The following ACAP3 variants were observed in gnomAD, a reference collection of about 807,000 sequenced individuals.
The protein encoded by ACAP3 is arf-GAP with coiled-coil, ANK repeat and PH domain-containing protein 3.
Under a neutral mutation model 104.1 loss-of-function variants are expected in ACAP3, and 56 were observed. The ratio of observed to expected loss-of-function variants is 0.54; its 90% CI spans 0.43 to 0.67. The LOEUF (loss-of-function observed/expected upper bound fraction) is 0.67. Among genes scored for constraint, ACAP3 ranks in the 30% least tolerant of loss-of-function variants. The pLI is 0.00. For missense variants in ACAP3, 1,208 were observed against 1,174.9 expected, an observed-to-expected ratio of 1.03 and a Z score of -0.41; for synonymous variants, 628 against 496.2, an observed-to-expected ratio of 1.27 and a Z score of -3.53.
chr1:1,299,389 G>A (rs779323270), intron 9 of ACAP3, 33 bp from the exon 10 acceptor site: 1 of 1,522,422 alleles, frequency 6.6e-7, no homozygotes. Flanking sequence ...GGTAGGGGGA[G>A]AAAGCCAGTG....
At chr1:1,299,313 C>T (rs751259569) in intron 10 of ACAP3, 32 bp downstream of exon 10, 1 of 1,594,876 alleles carries the variant, frequency 6.3e-7, no homozygotes, top group South Asian at 1.1e-5. Context: ...CTCCCCCGAC[C>T]CACAGCCCGC....
rs1291571282 is a variant in ACAP3, at chr1:1,301,292, C to T, written c.339-600G>A. The stretch of plus-strand genomic sequence containing the variant: ...TTTTTTTTTTTTTGATGGAGTCTCT[C>T]TCTGTCACCCAGGCTGGAGTGCAGT... On this transcript the variant is annotated intron_variant, in intron 5 of 23. Transcript: ENST00000354700. 2.4e-5 allele frequency among the ~76,000 whole-genome samples: 3 copies of T among 126,688 alleles called. No individual in the cohort carries two copies. The Admixed American group carries it at 2.5e-4, about 11-fold the overall frequency. 83.1% of individuals were successfully genotyped at this position (126,688 alleles called of 152,430 possible).
chr1:1,303,099 G>A lies in ACAP3; in HGVS notation c.225+63C>T, dbSNP rs1641523023. On this transcript the variant is annotated intron_variant, in intron 3 of 23. Coordinates refer to ENST00000354700, the MANE Select transcript of ACAP3 (RefSeq NM_030649.3). This position sits in a 1 kb window ranked among gnomAD's most constrained non-coding sequence, Gnocchi z 4.0. Reference sequence around the variant, plus strand: ...GCTTCTGGCCTGGACGCCCTCAAGGGGCTGCCTCCCTCGGCCTCTCCCCCA... The same window carrying A: ...GCTTCTGGCCTGGACGCCCTCAAGGAGCTGCCTCCCTCGGCCTCTCCCCCA... The A allele has an allele frequency of 6.4e-7, 1 of 1,558,576 alleles. No homozygotes were observed. The highest frequency in any genetic ancestry group is 8.7e-7 in the Non-Finnish European group (1 of 1,151,118).
Position 1,293,869 on chromosome 1 carries a change from G to T in ACAP3, c.2314C>A (p.Pro772Thr). ...GCCGCCTGCACTGCGATGGCCAACG[G>T]GTCCCGCTGCTCTTGGTCCAGGGCG... is the stretch of plus-strand genomic sequence containing the variant. Reference protein sequence around the residue: ...QHALDQEQRDPLAIAVQAANA... With the variant: ...QHALDQEQRDTLAIAVQAANA... Residue 772 changes from proline (P) to threonine (T), a missense_variant, in exon 23 of 24, where the codon CCG becomes ACG. Physicochemically the swap from Pro to Thr is conservative, Grantham distance 38. Transcript: ENST00000354700. 1 of 1,565,334 alleles carries T rather than the reference G, an allele frequency of 6.4e-7. No homozygotes were observed.
At position 1,307,068 on chromosome 1, in the gene ACAP3, G is replaced by C. The variant is rs768342317; in HGVS notation, c.47+701C>G. 137 of 799,556 alleles carry C rather than the reference G, an allele frequency of 1.7e-4. 2 individuals carry two copies. The Middle Eastern group carries it at 3.1e-3, about 18-fold the overall frequency. The allele number at this position is 799,556 out of a possible 1,614,324, so 49.5% of individuals were successfully genotyped here. On this transcript the variant is annotated intron_variant, in intron 1 of 23. Transcript: ENST00000354700. ...AGAGGAGGGGGCCTCACGCAGGTGC[G>C]CACTTGGGGATGCAGAGAGGTTTCT...
At position 1,293,550 on chromosome 1, in the gene ACAP3, C is replaced by T. The variant is rs1221932872; in HGVS notation, c.*14G>A. 7 of 1,462,330 alleles carry T rather than the reference C, an allele frequency of 4.8e-6. No individual in the cohort carries two copies. The highest frequency in any genetic ancestry group is 6.1e-5 in the East Asian group (2 of 32,992). 90.6% of individuals were successfully genotyped at this position (1,462,330 alleles called of 1,614,324 possible). ...CGGGCCGGGCGGGGTGGCAGCTGCC[C>T]GGCCTGCCCGGCCCTAGCTCTCTTC... On this transcript the variant is annotated 3_prime_UTR_variant, in exon 24 of 24. Coordinates refer to ENST00000354700, the MANE Select transcript of ACAP3 (RefSeq NM_030649.3).
chr1:1,297,148 C>T (rs1035396031), intron 14 of ACAP3, among the ~76,000 whole-genome samples: 15 of 145,268 alleles, frequency 1.0e-4, no homozygotes, highest in Admixed American at 5.4e-4. Context: ...CCCAGTGGCA[C>T]GTGTGTGTGT....
intron 19 of ACAP3, chr1:1,295,061 G>C (rs2100401942): frequency 1.8e-6 from 1 of 563,280 alleles, no homozygotes. Context: ...CTTCCCTCCC[G>C]CTCGCCGCCT....
intron 5 of ACAP3, 91 bp downstream of exon 5, chr1:1,301,897 A>T: frequency 7.9e-7 from 1 of 1,272,836 alleles, no homozygotes; most frequent in Non-Finnish European, 1.1e-6. Context: ...GCCTGGGCCC[A>T]AGGTGCCTCT....
intron 10 of ACAP3, 111 bp downstream of exon 10, chr1:1,299,234 T>G: frequency 1.5e-6 from 2 of 1,366,722 alleles, no homozygotes; most frequent in Admixed American, 4.1e-5. Flanking sequence ...GAGCCGAGAC[T>G]GGTGGGAGGT....
intron 10 of ACAP3, 21 bp from the exon 11 acceptor site, chr1:1,298,700 C>T: frequency 6.3e-7 from 1 of 1,575,018 alleles, no homozygotes; most frequent in South Asian, 1.1e-5. Flanking sequence ...GGAACCCGCC[C>T]CCTCAGTGCC....
intron 4 of ACAP3, 68 bp from the exon 5 acceptor site, chr1:1,302,114 C>G: frequency 1.5e-6 from 2 of 1,340,382 alleles, no homozygotes; most frequent in Admixed American, 2.7e-5. Context: ...AAGGCCCCAT[C>G]CTCACCAGCA....
intron 1 of ACAP3, chr1:1,304,692 C>T (rs1260073856): frequency 6.3e-6 from 1 of 157,622 alleles, no homozygotes; most frequent in African/African-American, 2.4e-5. Flanking sequence ...CTCACAGCTG[C>T]AAGCGGCATG....
At position 1,294,574 on chromosome 1, in the gene ACAP3, T is replaced by G. The variant is rs1300143680; in HGVS notation, c.1967A>C (p.Glu656Ala). The G allele has an allele frequency of 2.0e-6, 3 of 1,510,918 alleles. No homozygotes were observed. The highest frequency in any genetic ancestry group is 2.6e-6 in the Non-Finnish European group (3 of 1,137,352). 93.6% of individuals were successfully genotyped at this position (1,510,918 alleles called of 1,614,324 possible). ...GCGCACGTCCGCCAGGCCCCAGGCC[T>G]CGGCCTCAGTGTCCCCGTCTGCCTC... ...SGEADGDTEA[E>A]AWGLADVREL... The change falls in exon 21 of 24, where the codon GAG becomes GCG. Residue 656 changes from glutamate (E) to alanine (A), a missense_variant. By Grantham distance (107) the Glu-to-Ala change is moderately radical (BLOSUM62 -1). Coordinates refer to ENST00000354700, the MANE Select transcript of ACAP3 (RefSeq NM_030649.3).
chr1:1,302,987 G>A lies in ACAP3; in HGVS notation c.226-12C>T, dbSNP rs771736112. 6.2e-7 allele frequency: 1 copy of A among 1,608,752 alleles called. No individual in the cohort carries two copies. Among genetic ancestry groups the A allele is most frequent in the Non-Finnish European group, 8.5e-7 (1 of 1,177,712 alleles). ...CTCTGCAGACATTCCTGGAGGAGCAGATGGGAACCCGTGCTGAGATGGCAA... is the reference window on the plus strand; with the variant it reads ...CTCTGCAGACATTCCTGGAGGAGCAAATGGGAACCCGTGCTGAGATGGCAA... On this transcript the variant is annotated splice_polypyrimidine_tract_variant and intron_variant, in intron 3 of 23. Coordinates refer to ENST00000354700, the MANE Select transcript of ACAP3 (RefSeq NM_030649.3).
At position 1,303,343 on chromosome 1, in the gene ACAP3, A is replaced by C. The variant is rs1295370357; in HGVS notation, c.106-62T>G. On this transcript the variant is annotated intron_variant, in intron 2 of 23. Transcript: ENST00000354700. This position sits in a 1 kb window ranked among gnomAD's most constrained non-coding sequence, Gnocchi z 4.0. ...CTGGCGCCTGCACTCGCCACCACAC[A>C]CGGCCACTCAGAGGCAGGAAGAGCT... 2.0e-6 allele frequency: 3 copies of C among 1,535,148 alleles called. No homozygotes were observed. In the African/African-American group the frequency reaches 4.1e-5, roughly 21 times the overall value.
rs1392122479 is a variant in ACAP3, at chr1:1,303,855, C to A, written c.105+231G>T. On this transcript the variant is annotated intron_variant, in intron 2 of 23. Coordinates refer to ENST00000354700, the MANE Select transcript of ACAP3 (RefSeq NM_030649.3). This position sits in a 1 kb window ranked among gnomAD's most constrained non-coding sequence, Gnocchi z 4.0. ...GCCACCGTGGGTCGGGGACTCACCA[C>A]AGCCCAGCCCCTCCCAGATGGGACG... 1.3e-5 allele frequency: 8 copies of A among 607,514 alleles called. No homozygotes were observed. Among genetic ancestry groups the A allele is most frequent in the Non-Finnish European group, 1.7e-5 (6 of 346,818 alleles). 37.6% of individuals were successfully genotyped at this position (607,514 alleles called of 1,614,324 possible).
Position 1,299,908 on chromosome 1 carries a change from G to A in ACAP3, c.664-3C>T. 1 of 1,586,964 alleles carries A rather than the reference G, an allele frequency of 6.3e-7. No homozygotes were observed. Among genetic ancestry groups the A allele is most frequent in the East Asian group, 2.3e-5 (1 of 44,092 alleles). ...GAGTCGATCACCAGCTGGTCCAGCT[G>A]TTGGGGGTGGCATTAGGGAAGGTCA... On this transcript the variant is annotated splice_polypyrimidine_tract_variant and splice_region_variant and intron_variant, in intron 8 of 23. Coordinates refer to ENST00000354700, the MANE Select transcript of ACAP3 (RefSeq NM_030649.3).
chr1:1,293,960 TCGGGGCGGGGCGGGG>T (rs760863854), intron 22 of ACAP3, 27 bp from the exon 23 acceptor site: 9 of 1,050,640 alleles, frequency 8.6e-6, no homozygotes, highest in East Asian at 8.5e-5. Context: ...GAGGGGCGTG[TCGGGGCGGGGCGGGG>T]CGGGGCGAGT....
Sources: gnomAD v4.1 joint callset for allele counts (sites outside exome capture counted in the v4.1 genomes callset) on GRCh38, gnomAD v4.1.1 for gene constraint, Gnocchi (gnomAD v3.1) non-coding constraint, MANE v1.5 for transcripts, NCBI Gene and HGNC (gene_info 2026-07-23, HGNC 2026-07-21) for gene names.